Variants in PCDH9 observed in about 807,000 individuals in gnomAD.
PCDH9 encodes the protein protocadherin 9.
Under a neutral mutation model 70.6 loss-of-function variants are expected in PCDH9, and 24 were observed. The observed-to-expected ratio is 0.34, with a 90% CI of 0.25 to 0.48. The LOEUF is 0.48. Ranked by LOEUF, PCDH9 falls within the 20% of genes least tolerant of loss-of-function variation. The pLI is 0.99. For missense variants in PCDH9, 1,281 were observed against 1,503.6 expected (o/e 0.85, Z 2.45); for synonymous variants, 562 against 558.5 (o/e 1.01, Z -0.09).
chr13:66,491,893 G>C (rs1959039869), intron 4 of PCDH9, among the ~76,000 whole-genome samples: 1 of 152,114 alleles, frequency 6.6e-6, no homozygotes, highest in Admixed American at 6.6e-5. Context: ...TCGCGGGACT[G>C]TGATACTGGT....
At chr13:66,697,773 G>A (rs1432867558) in intron 3 of PCDH9, among the ~76,000 whole-genome samples, 1 of 151,884 alleles carries the variant, frequency 6.6e-6, no homozygotes, top group Non-Finnish European at 1.5e-5. Flanking sequence ...TCCACCTCTG[G>A]GTATTTACCC....
chr13:66,368,151 A>G (rs1222530712), intron 4 of PCDH9, among the ~76,000 whole-genome samples: 2 of 152,112 alleles, frequency 1.3e-5, no homozygotes, highest in Non-Finnish European at 2.9e-5. Flanking sequence ...TGCATTTTTA[A>G]GGATAAAAAT....
At chr13:66,702,670 T>C (rs950482457) in intron 3 of PCDH9, among the ~76,000 whole-genome samples, 10 of 152,212 alleles carry the variant, frequency 6.6e-5, no homozygotes, top group Non-Finnish European at 1.5e-4. Context: ...CTTCATCATG[T>C]ATATGTATAT....
In PCDH9 at chr13:67,151,947, A is replaced by G. The variant is rs567549326; in HGVS notation, c.3036+73458T>C. ...AGAGAGATAATTTTTTTTTTGTTAC[A>G]AGACTATATGAATGAACTAAAAGAC... On this transcript the variant is annotated intron_variant, in intron 2 of 4. Coordinates refer to ENST00000377865, the MANE Select transcript of PCDH9 (RefSeq NM_203487.3). Among the ~76,000 whole-genome samples, 7 of 152,100 alleles carry G rather than the reference A, an allele frequency of 4.6e-5. No individual in the cohort carries two copies. The South Asian group carries it at 1.2e-3, about 27-fold the overall frequency.
At chr13:66,865,782 G>A (rs1246460385) in intron 3 of PCDH9, among the ~76,000 whole-genome samples, 1 of 152,140 alleles carries the variant, frequency 6.6e-6, no homozygotes, top group East Asian at 1.9e-4. Context: ...TACTTCCAAA[G>A]TAAACTCTTG....
intron 4 of PCDH9, among the ~76,000 whole-genome samples, chr13:66,474,741 C>G (rs1022238679): frequency 2.0e-5 from 3 of 152,000 alleles, no homozygotes; most frequent in Non-Finnish European, 4.4e-5. Context: ...CTGGCTCTTA[C>G]CACTATCACT....
chr13:67,057,667 T>G (rs2085449388), intron 2 of PCDH9, among the ~76,000 whole-genome samples: 1 of 152,088 alleles, frequency 6.6e-6, no homozygotes, highest in Non-Finnish European at 1.5e-5. Context: ...TGAATCCTGG[T>G]TCTACAAATG....
chr13:66,894,225 A>T (rs917836304), intron 3 of PCDH9, among the ~76,000 whole-genome samples: 1 of 152,092 alleles, frequency 6.6e-6, no homozygotes, highest in Non-Finnish European at 1.5e-5. Flanking sequence ...TTAACGACTT[A>T]ATCTGTATTT....
At chr13:66,458,181 C>T (rs1393625820) in intron 4 of PCDH9, among the ~76,000 whole-genome samples, 1 of 151,886 alleles carries the variant, frequency 6.6e-6, no homozygotes, top group African/African-American at 2.4e-5. Flanking sequence ...AATACCTGCG[C>T]TATTTTACTC....
intron 2 of PCDH9, among the ~76,000 whole-genome samples, chr13:67,078,924 G>A (rs1300109840): frequency 6.6e-6 from 1 of 151,992 alleles, no homozygotes. Flanking sequence ...GTCCTGCAGT[G>A]GCCAGTCTGG....
At chr13:66,316,977 C>A (rs1955664557) in intron 4 of PCDH9, among the ~76,000 whole-genome samples, 1 of 152,128 alleles carries the variant, frequency 6.6e-6, no homozygotes, top group Non-Finnish European at 1.5e-5. Context: ...ACCTCCTCGG[C>A]CTCCCAAAAT....
At chr13:66,909,589 G>GA (rs1464122992) in intron 2 of PCDH9, among the ~76,000 whole-genome samples, 1 of 152,112 alleles carries the variant, frequency 6.6e-6, no homozygotes, top group East Asian at 1.9e-4. Context: ...CTAACATGGT[G>GA]AAACCCCATC....
chr13:66,475,340 T>G (rs1008255162), intron 4 of PCDH9, among the ~76,000 whole-genome samples: 7 of 152,094 alleles, frequency 4.6e-5, no homozygotes, highest in Non-Finnish European at 1.0e-4. Context: ...GACCTAAAGA[T>G]AGCTTTGCAG....
At chr13:66,851,075 G>T (rs1200398352) in intron 3 of PCDH9, among the ~76,000 whole-genome samples, 1 of 152,074 alleles carries the variant, frequency 6.6e-6, no homozygotes, top group Non-Finnish European at 1.5e-5. Flanking sequence ...TTGAATATGA[G>T]GCAATGTACC....
At chr13:66,328,794 A>G (rs1253319947) in intron 4 of PCDH9, among the ~76,000 whole-genome samples, 1 of 152,170 alleles carries the variant, frequency 6.6e-6, no homozygotes, top group Admixed American at 6.5e-5. Context: ...TCCCTTAGAC[A>G]AAGATATTGA....
chr13:66,665,324 C>G (rs924424680), intron 3 of PCDH9, among the ~76,000 whole-genome samples: 1 of 152,104 alleles, frequency 6.6e-6, no homozygotes, highest in African/African-American at 2.4e-5. Flanking sequence ...GTCTCGAACT[C>G]CTGACCTCAG....
At chr13:66,676,115 GTTAT>G (rs1051418606) in intron 3 of PCDH9, among the ~76,000 whole-genome samples, 9 of 152,042 alleles carry the variant, frequency 5.9e-5, no homozygotes, top group Non-Finnish European at 1.2e-4. Context: ...CAGTCTCTGT[GTTAT>G]TTATTTTACA....
intron 2 of PCDH9, among the ~76,000 whole-genome samples, chr13:67,170,357 A>T (rs2088245603): frequency 6.6e-6 from 1 of 152,206 alleles, no homozygotes; most frequent in Non-Finnish European, 1.5e-5. Context: ...ACTGAGAAAT[A>T]CATTTCGCAT....
rs2089563892 is a variant in PCDH9 at position 67,214,955 on chromosome 13, TA to T, written c.3036+10449del. 4.1e-5 allele frequency: 3 copies of T among 73,022 alleles called. 1 individual carries two copies. The highest frequency in any genetic ancestry group is 1.2e-4 in the African/African-American group (3 of 24,086). 4.5% of individuals were successfully genotyped at this position (73,022 alleles called of 1,614,324 possible). A position where few individuals can be genotyped will look rare whatever the true frequency, so the allele number is the denominator to read the frequency against. Reference sequence around the variant, plus strand: ...AGCCAGATATATATATATATATATATATATATATATATATATATTCACTTAA... The same window carrying T: ...AGCCAGATATATATATATATATATATTATATATATATATATATTCACTTAA... On this transcript the variant is annotated intron_variant, in intron 2 of 4. Transcript: ENST00000377865.
Sources: allele counts gnomAD v4.1 joint callset (sites outside exome capture counted in the v4.1 genomes callset), GRCh38; gene constraint gnomAD v4.1.1; transcripts MANE v1.5; gene names NCBI Gene and HGNC (gene_info 2026-07-23, HGNC 2026-07-21).